Variants in CNTN6 observed in about 807,000 individuals in gnomAD.
CNTN6 encodes the protein contactin 6.
CNTN6 carries 137 observed loss-of-function variants against 122.8 expected under a neutral mutation model. That is an observed-to-expected ratio of 1.12 (90% CI 0.97 to 1.29). The LOEUF is 1.29. CNTN6 is among the 50% of genes most tolerant of loss of function. CNTN6 has a pLI of 0.00. For missense variants in CNTN6, 1,634 were observed against 1,223.4 expected, an observed-to-expected ratio of 1.34 and a Z score of -5.01; for synonymous variants, 570 against 426.0, an observed-to-expected ratio of 1.34 and a Z score of -4.16.
chr3:1,119,193 T>C lies in CNTN6; in HGVS notation c.-83+26073T>C, dbSNP rs896899514. 3.0e-4 allele frequency among the ~76,000 whole-genome samples: 42 copies of C among 138,178 alleles called. 1 individual carries two copies. Among genetic ancestry groups the C allele is most frequent in the South Asian group, 4.3e-4 (2 of 4,612 alleles). The allele number at this position is 138,178 out of a possible 152,430, so 90.7% of individuals were successfully genotyped here. On this transcript the variant is annotated intron_variant, in intron 1 of 22. Transcript: ENST00000446702. ...CTATTAGTAACGTAGTGATTTCAGG[T>C]TTTTTTTTTTTAAGTTGGTAGATGT... is the stretch of plus-strand genomic sequence containing the variant.
chr3:1,175,605 T>G (rs1389510270), intron 2 of CNTN6, among the ~76,000 whole-genome samples: 1 of 152,156 alleles, frequency 6.6e-6, no homozygotes, highest in African/African-American at 2.4e-5. Flanking sequence ...AATATGAAGT[T>G]ATTAAAGACT....
chr3:1,347,552 T>G (rs1704924356), intron 11 of CNTN6, among the ~76,000 whole-genome samples: 1 of 152,124 alleles, frequency 6.6e-6, no homozygotes, highest in Non-Finnish European at 1.5e-5. Flanking sequence ...CAGAGCTTAG[T>G]TAAAGCCACA....
intron 12 of CNTN6, 113 bp from the exon 13 acceptor site, chr3:1,372,186 C>G: frequency 1.4e-6 from 1 of 693,598 alleles, no homozygotes; most frequent in South Asian, 2.7e-5. Context: ...TTGTAGAACT[C>G]CAGGTTGCAT....
chr3:1,162,740 G>A (rs926246387), intron 2 of CNTN6, among the ~76,000 whole-genome samples: 3 of 152,222 alleles, frequency 2.0e-5, no homozygotes, highest in Non-Finnish European at 2.9e-5. Flanking sequence ...CATTTCCAGA[G>A]TCCAAAAGCA....
chr3:1,341,521 C>T (rs531388293), intron 11 of CNTN6, among the ~76,000 whole-genome samples: 142 of 152,216 alleles, frequency 9.3e-4, no homozygotes, highest in Non-Finnish European at 1.8e-3. Flanking sequence ...AGCATAGCAG[C>T]ACACTCTGGC....
intron 20 of CNTN6, among the ~76,000 whole-genome samples, chr3:1,392,410 A>C (rs1694298964): frequency 6.6e-6 from 1 of 152,302 alleles, no homozygotes; most frequent in Non-Finnish European, 1.5e-5. Flanking sequence ...TCAATTCAAG[A>C]TGGATTAAAG....
chr3:1,250,592 G>A (rs2094649178), intron 4 of CNTN6, among the ~76,000 whole-genome samples: 1 of 152,104 alleles, frequency 6.6e-6, no homozygotes, highest in Non-Finnish European at 1.5e-5. Context: ...AGCAAGCCTG[G>A]AATTCTTAGG....
intron 3 of CNTN6, among the ~76,000 whole-genome samples, chr3:1,225,533 A>T (rs2094269787): frequency 2.0e-5 from 3 of 152,236 alleles, no homozygotes; most frequent in African/African-American, 7.2e-5. Context: ...CAAAATTAAA[A>T]GGAGCTGGCA....
intron 12 of CNTN6, among the ~76,000 whole-genome samples, chr3:1,366,614 A>C (rs1365670636): frequency 6.6e-6 from 1 of 152,158 alleles, no homozygotes. Context: ...TGCAAGCACC[A>C]ATCTTCCAGT....
At chr3:1,244,512 G>C (rs144379724) in intron 4 of CNTN6, among the ~76,000 whole-genome samples, 3,981 of 142,240 alleles carry the variant, frequency 0.028, 58 homozygotes, top group East Asian at 0.072. Flanking sequence ...GGGGTACTTG[G>C]CCCTGCCCCA....
intron 2 of CNTN6, among the ~76,000 whole-genome samples, chr3:1,173,901 C>T (rs967098916): frequency 2.0e-5 from 3 of 152,032 alleles, no homozygotes; most frequent in Non-Finnish European, 4.4e-5. Context: ...TATTTGTAAA[C>T]TGGTGGGGTT....
intron 7 of CNTN6, among the ~76,000 whole-genome samples, chr3:1,300,597 GAAAGAA>G (rs1697206333): frequency 1.9e-4 from 23 of 120,324 alleles, no homozygotes; most frequent in South Asian, 7.1e-4. Context: ...AAGAAAGAAA[GAAAGAA>G]AGAGAGAAAG....
rs113181861 is a variant in CNTN6 at position 1,202,604 on chromosome 3, A to T, written c.56-18083A>T. Among the ~76,000 whole-genome samples, 347 of 151,904 alleles carry T rather than the reference A, an allele frequency of 2.3e-3. 1 individual carries two copies. Among genetic ancestry groups the T allele is most frequent in the African/African-American group, 8.2e-3 (340 of 41,522 alleles). Reference sequence around the variant, plus strand: ...TAAATAAATACAAATAAAATAAAATAAAATTTTTACAAAGTCAATGTAACA... The same window carrying T: ...TAAATAAATACAAATAAAATAAAATTAAATTTTTACAAAGTCAATGTAACA... On this transcript the variant is annotated intron_variant, in intron 2 of 22. Coordinates refer to ENST00000446702, the MANE Select transcript of CNTN6 (RefSeq NM_001289080.2).
In CNTN6 at chr3:1,246,723, G is replaced by C. The variant is rs972649687; in HGVS notation, c.358+18730G>C. Among the ~76,000 whole-genome samples the C allele has an allele frequency of 6.1e-4, 92 of 151,968 alleles. 1 individual carries two copies. The highest frequency in any genetic ancestry group is 2.2e-3 in the African/African-American group (92 of 41,466). On this transcript the variant is annotated intron_variant, in intron 4 of 22. Coordinates refer to ENST00000446702, the MANE Select transcript of CNTN6 (RefSeq NM_001289080.2). ...TTAAAAATTTTAGCCTTTTGCAGGG[G>C]GATAGTAAAAAGTATCTCATTTTGG... is the stretch of plus-strand genomic sequence containing the variant.
intron 7 of CNTN6, among the ~76,000 whole-genome samples, chr3:1,308,974 T>G (rs1034193683): frequency 7.2e-5 from 11 of 152,176 alleles, no homozygotes; most frequent in African/African-American, 2.7e-4. Context: ...CATTTTTAAT[T>G]GGTATGTTTA....
intron 1 of CNTN6, among the ~76,000 whole-genome samples, chr3:1,145,757 T>A (rs2092711556): frequency 6.6e-6 from 1 of 152,128 alleles, no homozygotes; most frequent in Non-Finnish European, 1.5e-5. Context: ...AGGAAGTAGA[T>A]CTTTGTCACT....
At chr3:1,395,947 AC>A (rs1386411101) in intron 20 of CNTN6, among the ~76,000 whole-genome samples, 4 of 152,118 alleles carry the variant, frequency 2.6e-5, no homozygotes, top group Non-Finnish European at 5.9e-5. Flanking sequence ...TCTTCATCCC[AC>A]TACCACTGTG....
intron 6 of CNTN6, 139 bp from the exon 7 acceptor site, chr3:1,297,750 A>T: frequency 1.5e-6 from 1 of 663,684 alleles, no homozygotes; most frequent in Non-Finnish European, 2.6e-6. Context: ...GCATTTTAGA[A>T]TCTATATGTA....
At chr3:1,338,554 T>A (rs17037974) in intron 11 of CNTN6, among the ~76,000 whole-genome samples, 4,695 of 152,272 alleles carry the variant, frequency 0.031, 120 homozygotes, top group South Asian at 0.054. Context: ...TCCTAGCAGT[T>A]CAGCCATTCA....
Sources: gnomAD v4.1 joint callset for allele counts (sites outside exome capture counted in the v4.1 genomes callset) on GRCh38, gnomAD v4.1.1 for gene constraint, MANE v1.5 for transcripts, NCBI Gene and HGNC (gene_info 2026-07-23, HGNC 2026-07-21) for gene names.